The following TRPC4 variants were observed in gnomAD, a reference collection of about 807,000 sequenced individuals.
TRPC4 encodes short transient receptor potential channel 4.
Under a neutral mutation model 99.4 loss-of-function variants are expected in TRPC4, and 49 were observed. The observed-to-expected ratio is 0.49, with a 90% confidence interval of 0.39 to 0.63. TRPC4 has a LOEUF of 0.63. Ranked by LOEUF, TRPC4 falls within the 20% of genes least tolerant of loss-of-function variation. TRPC4 has a pLI of 0.00. For synonymous variants in TRPC4, 454 were observed against 425.9 expected (o/e 1.07, Z -0.81); for missense variants, 898 against 1,152.9 (o/e 0.78, Z 3.20).
At chr13:37,861,580 T>C (rs1192711759) in intron 1 of TRPC4, among the ~76,000 whole-genome samples, 2 of 151,644 alleles carry the variant, frequency 1.3e-5, no homozygotes, top group East Asian at 3.8e-4. Flanking sequence ...AATACTGTTA[T>C]AATGAAATGT....
chr13:37,764,477 GT>G (rs1956305422), intron 2 of TRPC4, among the ~76,000 whole-genome samples: 3 of 146,560 alleles, frequency 2.0e-5, no homozygotes, highest in Admixed American at 1.4e-4. Flanking sequence ...ACAATAATTT[GT>G]AGATGATGTT....
chr13:37,719,151 C>T (rs1593582128), intron 3 of TRPC4, among the ~76,000 whole-genome samples: 2 of 152,104 alleles, frequency 1.3e-5, no homozygotes. Flanking sequence ...CTACGAAAGA[C>T]AAAAAACTGT....
At chr13:37,755,518 C>T (rs1956075419) in intron 2 of TRPC4, among the ~76,000 whole-genome samples, 1 of 151,384 alleles carries the variant, frequency 6.6e-6, no homozygotes, top group African/African-American at 2.4e-5. Flanking sequence ...GTGATCCCAC[C>T]TCCCCTCAGC....
intron 6 of TRPC4, among the ~76,000 whole-genome samples, chr13:37,660,293 G>A (rs1219752272): frequency 6.6e-6 from 1 of 152,180 alleles, no homozygotes; most frequent in Non-Finnish European, 1.5e-5. Context: ...AGAAATGGAA[G>A]TGTTAAACAG....
chr13:37,837,887 T>C (rs1361362840), intron 1 of TRPC4, among the ~76,000 whole-genome samples: 1 of 152,088 alleles, frequency 6.6e-6, no homozygotes. Context: ...AGGGACCCAG[T>C]GGGAGATAAT....
intron 4 of TRPC4, among the ~76,000 whole-genome samples, chr13:37,675,090 G>A (rs1305891018): frequency 2.6e-5 from 4 of 151,940 alleles, no homozygotes; most frequent in Admixed American, 2.0e-4. Flanking sequence ...ATATTAAAAG[G>A]GTAAATATGA....
intron 8 of TRPC4, among the ~76,000 whole-genome samples, chr13:37,648,630 T>C (rs779934199): frequency 6.6e-5 from 10 of 152,036 alleles, no homozygotes; most frequent in Non-Finnish European, 1.5e-4. Context: ...AAAATTCAAA[T>C]ATAAACACAT....
chr13:37,801,104 C>T (rs1050698170), intron 1 of TRPC4, among the ~76,000 whole-genome samples: 4 of 152,038 alleles, frequency 2.6e-5, no homozygotes, highest in Non-Finnish European at 4.4e-5. Context: ...AGTCAGTCTA[C>T]ATCTTATTTT....
Position 37,636,653 on chromosome 13 carries a change from G to C in TRPC4, c.*250C>G. The stretch of plus-strand genomic sequence containing the variant: ...TCTGTGGGTTATTGCAACAGTACAA[G>C]AATACAAGGTGCATTTATTTATTAA... On this transcript the variant is annotated 3_prime_UTR_variant, in exon 11 of 11. Transcript: ENST00000379705. 2.7e-6 allele frequency: 1 copy of C among 363,892 alleles called. No homozygotes were observed. The highest frequency in any genetic ancestry group is 4.6e-5 in the East Asian group (1 of 21,734). 22.5% of individuals were successfully genotyped at this position (363,892 alleles called of 1,614,324 possible).
At chr13:37,693,936 A>C (rs2138889978) in intron 3 of TRPC4, among the ~76,000 whole-genome samples, 1 of 152,302 alleles carries the variant, frequency 6.6e-6, no homozygotes, top group East Asian at 1.9e-4. Context: ...TTACTTAAGG[A>C]AATTTCAAGC....
chr13:37,799,568 C>T (rs753805073), intron 1 of TRPC4, among the ~76,000 whole-genome samples: 3 of 152,138 alleles, frequency 2.0e-5, no homozygotes, highest in Non-Finnish European at 4.4e-5. Flanking sequence ...AGGGATAACA[C>T]TGACTATCTC....
intron 8 of TRPC4, among the ~76,000 whole-genome samples, chr13:37,642,348 G>A (rs765160225): frequency 2.0e-5 from 3 of 152,162 alleles, no homozygotes; most frequent in African/African-American, 7.2e-5. Flanking sequence ...AAAAGAGAAG[G>A]CTGGCTAGGG....
At chr13:37,852,724 AG>A (rs1959090742) in intron 1 of TRPC4, among the ~76,000 whole-genome samples, 2 of 152,030 alleles carry the variant, frequency 1.3e-5, no homozygotes, top group Admixed American at 6.6e-5. Context: ...GCCAGAAGGG[AG>A]CCCGCTACCT....
chr13:37,728,754 G>A (rs183661301), intron 3 of TRPC4, among the ~76,000 whole-genome samples: 1 of 152,112 alleles, frequency 6.6e-6, no homozygotes, highest in African/African-American at 2.4e-5. Flanking sequence ...CAAAGCTTGA[G>A]GTCTCATACT....
intron 1 of TRPC4, among the ~76,000 whole-genome samples, chr13:37,807,736 C>G (rs1245106272): frequency 6.6e-6 from 1 of 152,012 alleles, no homozygotes; most frequent in African/African-American, 2.4e-5. Flanking sequence ...AAAAATGTTT[C>G]CATCCTTCCA....
intron 8 of TRPC4, among the ~76,000 whole-genome samples, chr13:37,641,728 G>C (rs1205964443): frequency 6.6e-6 from 1 of 152,112 alleles, no homozygotes; most frequent in African/African-American, 2.4e-5. Context: ...ACCTGGGTTT[G>C]AAGCTGACTG....
chr13:37,694,827 T>G (rs184781190), intron 3 of TRPC4, among the ~76,000 whole-genome samples: 1 of 152,276 alleles, frequency 6.6e-6, no homozygotes, highest in East Asian at 1.9e-4. Context: ...AATGTGGATG[T>G]TATTTGGCTA....
At chr13:37,787,678 A>G (rs1313521824) in intron 1 of TRPC4, among the ~76,000 whole-genome samples, 1 of 152,082 alleles carries the variant, frequency 6.6e-6, no homozygotes, top group Non-Finnish European at 1.5e-5. Context: ...GCAATGAACT[A>G]CTAAATTTCT....
At chr13:37,786,800 T>C (rs556327194) in intron 1 of TRPC4, among the ~76,000 whole-genome samples, 1 of 152,162 alleles carries the variant, frequency 6.6e-6, no homozygotes, top group South Asian at 2.1e-4. Flanking sequence ...GACTGATTGG[T>C]CAAATTATAT....
Sources: allele counts gnomAD v4.1 joint callset (sites outside exome capture counted in the v4.1 genomes callset), GRCh38; gene constraint gnomAD v4.1.1; transcripts MANE v1.5; gene names NCBI Gene and HGNC (gene_info 2026-07-23, HGNC 2026-07-21).